TAB2: variants seen among roughly 807,000 people sequenced by gnomAD.
TAB2 encodes the protein TGF-beta activated kinase 1 (MAP3K7) binding protein 2, also known as TGF-beta-activated kinase 1 and MAP3K7-binding protein 2.
TAB2 carries 3 observed loss-of-function variants against 65.0 expected under a neutral mutation model. That is an observed-to-expected ratio of 0.05 (90% confidence interval 0.02 to 0.12). The LOEUF (loss-of-function observed/expected upper bound fraction) is 0.12. Ranked by LOEUF, TAB2 falls within the 10% of genes least tolerant of loss-of-function variation. The pLI, the probability that TAB2 is intolerant of heterozygous loss-of-function variation, is 1.00. For synonymous variants in TAB2, 298 were observed against 285.1 expected, an observed-to-expected ratio of 1.05 and a Z score of -0.46; for missense variants, 623 against 840.3, an observed-to-expected ratio of 0.74 and a Z score of 3.20.
intron 1 of TAB2, among the ~76,000 whole-genome samples, chr6:149,280,342 A>G (rs995010920): frequency 1.3e-5 from 2 of 152,152 alleles, no homozygotes; most frequent in African/African-American, 4.8e-5. Flanking sequence ...CTATTATGTC[A>G]CATCTTCAAT....
intron 1 of TAB2, among the ~76,000 whole-genome samples, chr6:149,256,859 T>TA (rs1165326644): frequency 5.3e-5 from 8 of 152,204 alleles, no homozygotes; most frequent in Non-Finnish European, 1.2e-4. Context: ...TCCCAGGGGA[T>TA]AAAAAACTTT....
At chr6:149,351,831 G>C (rs1205229195) in intron 1 of TAB2, among the ~76,000 whole-genome samples, 1 of 152,164 alleles carries the variant, frequency 6.6e-6, no homozygotes, top group Admixed American at 6.5e-5. Flanking sequence ...AGTTAGATAA[G>C]ACAGTGTGCA....
At chr6:149,295,973 T>C in intron 1 of TAB2, among the ~76,000 whole-genome samples, 1 of 152,236 alleles carries the variant, frequency 6.6e-6, no homozygotes, top group East Asian at 1.9e-4. Flanking sequence ...GGTTTCACCA[T>C]GTTGACCAGG....
chr6:149,394,328 A>G (rs921805722), intron 3 of TAB2, among the ~76,000 whole-genome samples: 4 of 151,884 alleles, frequency 2.6e-5, no homozygotes, highest in African/African-American at 9.7e-5. Flanking sequence ...TTTTTTTTGC[A>G]TGCTGTCCAC....
intron 1 of TAB2, among the ~76,000 whole-genome samples, chr6:149,303,595 A>AT (rs1454660284): frequency 2.6e-5 from 4 of 152,128 alleles, no homozygotes; most frequent in African/African-American, 9.7e-5. Flanking sequence ...ATTATAGGTA[A>AT]TTTTTTACTT....
rs1007438338 is a variant in TAB2, at chr6:149,411,000, A to G, written c.*1281A>G. The G allele has an allele frequency of 1.3e-5, 2 of 152,570 alleles. No individual in the cohort carries two copies. The highest frequency in any genetic ancestry group is 2.9e-5 in the Non-Finnish European group (2 of 68,034). The allele number at this position is 152,570 out of a possible 1,614,324, so 9.5% of individuals were successfully genotyped here. A position where few individuals can be genotyped will look rare whatever the true frequency, so the allele number is the denominator to read the frequency against. On this transcript the variant is annotated 3_prime_UTR_variant, in exon 7 of 7. Transcript: ENST00000637181. Reference sequence around the variant, plus strand: ...AACAAGGCTAGCCATATTTAGGACAACTGAAGAAAAGCTGGAAAAAAAAAC... The same window carrying G: ...AACAAGGCTAGCCATATTTAGGACAGCTGAAGAAAAGCTGGAAAAAAAAAC...
rs115038573 is a variant in TAB2, at chr6:149,333,094, G to A, written c.-90+15079G>A. 6.8e-3 allele frequency among the ~76,000 whole-genome samples: 1,030 copies of A among 152,304 alleles called. 9 individuals carry two copies. The highest frequency in any genetic ancestry group is 0.024 in the African/African-American group (978 of 41,574). On this transcript the variant is annotated intron_variant, in intron 1 of 6. Coordinates refer to ENST00000637181, the MANE Select transcript of TAB2 (RefSeq NM_001292034.3). ...TATAGCATGAGTACAATACCTTGGC[G>A]CTTGAGCGCTCAGTAAATATTTGTG...
chr6:149,330,306 A>G (rs1030913555), intron 1 of TAB2, among the ~76,000 whole-genome samples: 4 of 152,200 alleles, frequency 2.6e-5, no homozygotes, highest in African/African-American at 9.7e-5. Context: ...TCTCTGTAGG[A>G]TAAATTCCCA....
At chr6:149,360,718 C>T (rs1198665288) in intron 1 of TAB2, among the ~76,000 whole-genome samples, 2 of 152,180 alleles carry the variant, frequency 1.3e-5, no homozygotes, top group African/African-American at 4.8e-5. Context: ...CTCATTTCAG[C>T]GTCACTCAAA....
rs1470382359 is a variant in TAB2, at chr6:149,307,487, C to G, written c.-120-70531C>G. On this transcript the variant is annotated intron_variant, in intron 1 of 1. Coordinates refer to the TAB2 transcript ENST00000606202. ...GCCGATTTCACAGAGGTCAATGCTG[C>G]TCAGATTTTTTTGTCTGCTGCCCTC... Among the ~76,000 whole-genome samples the G allele has an allele frequency of 2.6e-5, 4 of 152,184 alleles. 1 individual carries two copies. The South Asian group carries it at 8.3e-4, about 32-fold the overall frequency.
intron 1 of TAB2, among the ~76,000 whole-genome samples, chr6:149,219,759 G>T (rs1022878430): frequency 6.6e-6 from 1 of 152,158 alleles, no homozygotes; most frequent in Non-Finnish European, 1.5e-5. Flanking sequence ...TGACTGGCCA[G>T]ATTCTTTCAT....
At chr6:149,223,626 G>T (rs1387149028) in intron 1 of TAB2, among the ~76,000 whole-genome samples, 1 of 152,158 alleles carries the variant, frequency 6.6e-6, no homozygotes, top group Non-Finnish European at 1.5e-5. Flanking sequence ...GGGGTTAAAT[G>T]CCTGATACAG....
intron 1 of TAB2, chr6:149,247,331 G>A (rs572389941): frequency 1.7e-4 from 26 of 152,336 alleles, no homozygotes; most frequent in African/African-American, 5.5e-4. Flanking sequence ...TTTCACACAC[G>A]TCATTTTGTT....
At chr6:149,368,367 C>G (rs1047487090) in intron 1 of TAB2, among the ~76,000 whole-genome samples, 3 of 151,834 alleles carry the variant, frequency 2.0e-5, no homozygotes, top group African/African-American at 7.3e-5. Context: ...TGGAGAAAAA[C>G]TATGAAAGCC....
chr6:149,317,320 G>C (rs1388034118), upstream of TAB2, among the ~76,000 whole-genome samples: 1 of 151,930 alleles, frequency 6.6e-6, no homozygotes, highest in Non-Finnish European at 1.5e-5. The surrounding 1 kb of genome is among the most constrained non-coding windows in gnomAD (Gnocchi z 4.7). Context: ...GCGGCGGCCC[G>C]CGTCCTCCCT....
intron 1 of TAB2, among the ~76,000 whole-genome samples, chr6:149,298,215 A>T (rs1165038963): frequency 2.0e-5 from 3 of 152,254 alleles, no homozygotes; most frequent in Non-Finnish European, 4.4e-5. Flanking sequence ...GTATATGAAA[A>T]TATGCATGCT....
intron 1 of TAB2, among the ~76,000 whole-genome samples, chr6:149,270,354 G>A (rs1352663218): frequency 3.9e-5 from 6 of 151,962 alleles, no homozygotes; most frequent in Non-Finnish European, 2.9e-5. Context: ...TATATGTTTT[G>A]CAAGTACTTC....
rs574102492 is a variant in TAB2, at chr6:149,376,894, C to A, written c.103-1124C>A. ...TAAAAACAATCTGAGGTTCCCCCCC[C>A]CCACTCTGGAGTAGATTTTTATGAT... On this transcript the variant is annotated intron_variant, in intron 2 of 6. Coordinates refer to ENST00000637181, the MANE Select transcript of TAB2 (RefSeq NM_001292034.3). Among the ~76,000 whole-genome samples, 8 of 149,532 alleles carry A rather than the reference C, an allele frequency of 5.4e-5. No individual in the cohort carries two copies. The East Asian group carries it at 1.4e-3, about 26-fold the overall frequency.
intron 3 of TAB2, among the ~76,000 whole-genome samples, chr6:149,381,792 T>C (rs911241601): frequency 6.6e-6 from 1 of 151,876 alleles, no homozygotes; most frequent in Non-Finnish European, 1.5e-5. Context: ...AGGCTGGTCT[T>C]GAACCCCTGG....
Sources: allele counts gnomAD v4.1 joint callset (sites outside exome capture counted in the v4.1 genomes callset), GRCh38; gene constraint gnomAD v4.1.1; non-coding constraint Gnocchi (gnomAD v3.1); transcripts MANE v1.5; gene names NCBI Gene and HGNC (gene_info 2026-07-23, HGNC 2026-07-21).